Variants in GALNTL6 observed in about 807,000 individuals in gnomAD.
GALNTL6 encodes the protein polypeptide N-acetylgalactosaminyltransferase like 6.
In GALNTL6, 46 loss-of-function variants were observed where a neutral mutation model predicts 73.7. That is an observed-to-expected ratio of 0.62 (90% confidence interval 0.49 to 0.80). GALNTL6 has a LOEUF of 0.80. GALNTL6 is among the 30% of genes least tolerant of loss of function. The pLI is 0.00. For synonymous variants in GALNTL6, 259 were observed against 263.7 expected (o/e 0.98, Z 0.17); for missense variants, 604 against 755.0 (o/e 0.80, Z 2.34).
chr4:172,953,620 G>A (rs780553112), intron 10 of GALNTL6, among the ~76,000 whole-genome samples: 17 of 152,204 alleles, frequency 1.1e-4, no homozygotes, highest in Non-Finnish European at 1.6e-4. Flanking sequence ...TGTAGAAGAC[G>A]TGTTCAGCAA....
At chr4:172,634,266 G>A (rs1739545340) in intron 5 of GALNTL6, among the ~76,000 whole-genome samples, 1 of 152,186 alleles carries the variant, frequency 6.6e-6, no homozygotes, top group Non-Finnish European at 1.5e-5. Context: ...AAAAGCAGAG[G>A]TGACAAAAAC....
At chr4:172,765,545 G>A (rs1738356877) in intron 5 of GALNTL6, among the ~76,000 whole-genome samples, 1 of 109,338 alleles carries the variant, frequency 9.1e-6, no homozygotes, top group African/African-American at 5.0e-5. Flanking sequence ...TCCATACTCT[G>A]AGTAGTCATT....
intron 12 of GALNTL6, among the ~76,000 whole-genome samples, chr4:173,026,484 ATC>A (rs1217125204): frequency 6.6e-6 from 1 of 152,226 alleles, no homozygotes; most frequent in African/African-American, 2.4e-5. Flanking sequence ...ATGCAGTGAC[ATC>A]CGGGCCAGCA....
intron 5 of GALNTL6, among the ~76,000 whole-genome samples, chr4:172,608,988 T>C (rs1451160208): frequency 1.3e-5 from 2 of 152,140 alleles, no homozygotes; most frequent in Non-Finnish European, 2.9e-5. Context: ...ATCCTGAAAC[T>C]CTGCTGAAGT....
chr4:172,408,502 G>A (rs933046437), intron 5 of GALNTL6, among the ~76,000 whole-genome samples: 2 of 151,882 alleles, frequency 1.3e-5, no homozygotes, highest in Non-Finnish European at 2.9e-5. Flanking sequence ...ATTTACATAT[G>A]TGTGACATAA....
At chr4:172,451,904 G>A (rs1476418456) in intron 5 of GALNTL6, among the ~76,000 whole-genome samples, 2 of 152,038 alleles carry the variant, frequency 1.3e-5, no homozygotes, top group African/African-American at 2.4e-5. Flanking sequence ...CTAGCTGCTC[G>A]AGAGGCTGAG....
At chr4:172,699,694 A>G (rs1048708092) in intron 5 of GALNTL6, among the ~76,000 whole-genome samples, 11 of 152,206 alleles carry the variant, frequency 7.2e-5, no homozygotes, top group Admixed American at 2.6e-4. Flanking sequence ...GCACAGCTAC[A>G]AAGAGTTAAG....
intron 2 of GALNTL6, among the ~76,000 whole-genome samples, chr4:171,881,118 CT>C (rs1012807573): frequency 6.6e-6 from 1 of 152,056 alleles, no homozygotes; most frequent in Non-Finnish European, 1.5e-5. Flanking sequence ...ACTGATGCCC[CT>C]AGCCTTGCAA....
intron 5 of GALNTL6, among the ~76,000 whole-genome samples, chr4:172,361,801 G>T (rs1742381452): frequency 6.6e-6 from 1 of 152,072 alleles, no homozygotes; most frequent in South Asian, 2.1e-4. Context: ...GAGTGGTGGT[G>T]GTTAAATATG....
chr4:172,645,566 T>C (rs1222803732), intron 5 of GALNTL6, among the ~76,000 whole-genome samples: 6 of 151,896 alleles, frequency 4.0e-5, no homozygotes, highest in Admixed American at 2.0e-4. Flanking sequence ...TTTTTCTTTG[T>C]TCCCTATAGG....
chr4:172,405,782 G>T (rs1579042927), intron 5 of GALNTL6, among the ~76,000 whole-genome samples: 1 of 151,570 alleles, frequency 6.6e-6, no homozygotes, highest in East Asian at 1.9e-4. Context: ...TCATCACAAA[G>T]TTTTATTTAT....
intron 5 of GALNTL6, among the ~76,000 whole-genome samples, chr4:172,718,014 A>G (rs1424851548): frequency 6.6e-6 from 1 of 152,228 alleles, no homozygotes; most frequent in Non-Finnish European, 1.5e-5. Flanking sequence ...TTTCAAAATT[A>G]TAAATGTCAG....
intron 5 of GALNTL6, among the ~76,000 whole-genome samples, chr4:172,752,631 T>C (rs1737492860): frequency 6.6e-6 from 1 of 152,170 alleles, no homozygotes; most frequent in Non-Finnish European, 1.5e-5. Context: ...TATAATTTCT[T>C]CCATATGTTG....
At chr4:172,407,716 T>C (rs963101892) in intron 5 of GALNTL6, among the ~76,000 whole-genome samples, 2 of 152,058 alleles carry the variant, frequency 1.3e-5, no homozygotes, top group African/African-American at 4.8e-5. Flanking sequence ...AATGATTACA[T>C]TTGACTTTAC....
intron 5 of GALNTL6, among the ~76,000 whole-genome samples, chr4:172,763,833 C>A (rs1738249817): frequency 6.6e-6 from 1 of 152,094 alleles, no homozygotes; most frequent in Admixed American, 6.5e-5. Flanking sequence ...GTGATCAATA[C>A]TTCAGCATTT....
Position 172,739,064 on chromosome 4 carries a change from G to A in GALNTL6, c.554-70297G>A, listed in dbSNP as rs141313541. Among the ~76,000 whole-genome samples, 158 of 152,186 alleles carry A rather than the reference G, an allele frequency of 1.0e-3. 2 individuals are homozygous for A. The South Asian group carries it at 0.021, about 20-fold the overall frequency. On this transcript the variant is annotated intron_variant, in intron 5 of 12. Coordinates refer to ENST00000506823, the MANE Select transcript of GALNTL6 (RefSeq NM_001034845.3). ...GTCTGTGTTAATGTTAATGCTGAACGGTATAGTGAGGCATATCCCACCCCC... is the reference window on the plus strand; with the variant it reads ...GTCTGTGTTAATGTTAATGCTGAACAGTATAGTGAGGCATATCCCACCCCC...
At chr4:171,860,333 CT>C (rs796747433) in intron 2 of GALNTL6, among the ~76,000 whole-genome samples, 31 of 152,280 alleles carry the variant, frequency 2.0e-4, no homozygotes, top group African/African-American at 5.8e-4. Context: ...TCTTGCTCTA[CT>C]CCCTCTACCA....
chr4:172,641,269 C>CA (rs1483408508), intron 5 of GALNTL6, among the ~76,000 whole-genome samples: 1 of 152,060 alleles, frequency 6.6e-6, no homozygotes, highest in Non-Finnish European at 1.5e-5. Context: ...AGACATAAGT[C>CA]AGACTATATT....
chr4:171,916,749 G>A (rs1737643656), intron 2 of GALNTL6, among the ~76,000 whole-genome samples: 1 of 151,958 alleles, frequency 6.6e-6, no homozygotes, highest in Non-Finnish European at 1.5e-5. Flanking sequence ...ATTTTAAAAT[G>A]CAGGGAATTA....
Sources: gnomAD v4.1 joint callset for allele counts (sites outside exome capture counted in the v4.1 genomes callset) on GRCh38, gnomAD v4.1.1 for gene constraint, MANE v1.5 for transcripts, NCBI Gene and HGNC (gene_info 2026-07-23, HGNC 2026-07-21) for gene names.